The following RYR1 variants were observed in gnomAD, a reference collection of about 807,000 sequenced individuals.
The protein encoded by RYR1 is ryanodine receptor 1, also known as central core disease of muscle.
A neutral mutation model predicts 583.5 loss-of-function variants in RYR1; 342 were observed. The ratio of observed to expected loss-of-function variants is 0.59; its 90% CI spans 0.54 to 0.64. The LOEUF is 0.64. Ranked by LOEUF, RYR1 falls within the 30% of genes least tolerant of loss-of-function variation. RYR1 has a pLI of 0.00. For missense variants in RYR1, 6,032 were observed against 6,917.2 expected, an observed-to-expected ratio of 0.87 and a Z score of 4.54; for synonymous variants, 2,791 against 2,822.5, an observed-to-expected ratio of 0.99 and a Z score of 0.35.
chr19:38,453,155 G>A, intron 13 of RYR1, 141 bp downstream of exon 13: 1 of 821,396 alleles, frequency 1.2e-6, no homozygotes, highest in Non-Finnish European at 1.9e-6. Flanking sequence ...GCAGGAGAAG[G>A]AGCCGGACAG....
In RYR1 at chr19:38,496,628, C is replaced by T. The variant is rs1969843021; in HGVS notation, c.6796+87C>T. ...CTGCCCCACTTTCCACCAGCTCACT[C>T]ATTCAACAAACACTCCCTCTCAACT... On this transcript the variant is annotated intron_variant, in intron 41 of 105. Transcript: ENST00000359596. This position sits in a 1 kb window ranked among gnomAD's most constrained non-coding sequence, Gnocchi z 4.8. The T allele has an allele frequency of 1.2e-5, 19 of 1,522,282 alleles. No homozygotes were observed. The highest frequency in any genetic ancestry group is 1.6e-5 in the Non-Finnish European group (18 of 1,100,762). 94.3% of individuals were successfully genotyped at this position (1,522,282 alleles called of 1,614,324 possible).
chr19:38,585,240 C>T (rs933095860), intron 102 of RYR1, 141 bp downstream of exon 102: 13 of 990,434 alleles, frequency 1.3e-5, no homozygotes, highest in African/African-American at 1.6e-5. Flanking sequence ...AGTCACCTCT[C>T]GGGGCCTCCG....
rs1971582045 is a variant in RYR1, at chr19:38,528,516, G to A, written c.10938-83G>A. 1.9e-6 allele frequency: 3 copies of A among 1,590,660 alleles called. No homozygotes were observed. The African/African-American group carries it at 4.0e-5, about 21-fold the overall frequency. The stretch of plus-strand genomic sequence containing the variant: ...GGGCCAACGTGATGGGGCCTTGAGG[G>A]TGGTTGGGGGCTGCAGGCGCATGGG... On this transcript the variant is annotated intron_variant, in intron 74 of 105. Transcript: ENST00000359596.
rs535386378 is a variant in RYR1 at position 38,586,141 on chromosome 19, G to T, written c.14919G>T (p.Pro4973=). 1.2e-6 allele frequency: 2 copies of T among 1,613,956 alleles called. No homozygotes were observed. The highest frequency in any genetic ancestry group is 2.7e-5 in the African/African-American group (2 of 74,886). The part of the protein sequence containing the change: ...GIGSDYFDTT[P]HGFETHTLEE... ...GCAGTGACTACTTTGATACGACACC[G>T]CATGGCTTCGAGACTCACACGCTGG... The change falls in exon 104 of 106, where the codon CCG becomes CCT. Residue 4973 remains proline (P), a synonymous_variant. Transcript: ENST00000359596.
chr19:38,511,481 A>G, intron 60 of RYR1, 80 bp from the exon 61 acceptor site: 1 of 1,428,842 alleles, frequency 7.0e-7, no homozygotes, highest in Non-Finnish European at 9.8e-7. Flanking sequence ...TGTCTCCTCT[A>G]ATTGGGTCAC....
chr19:38,434,356 T>C (rs78371511), intron 1 of RYR1, among the ~76,000 whole-genome samples: 14,556 of 152,046 alleles, frequency 0.096, 1,546 homozygotes, highest in African/African-American at 0.26. Flanking sequence ...TTGAGGGTCT[T>C]GTGGGGGAGG....
At chr19:38,564,924 C>A in intron 90 of RYR1, 35 bp from the exon 91 acceptor site, 1 of 1,553,746 alleles carries the variant, frequency 6.4e-7, no homozygotes, top group Non-Finnish European at 8.7e-7. Context: ...CCCCCGCTGA[C>A]GGCGCCCTAT....
At chr19:38,581,803 T>G (rs1346235156) in intron 101 of RYR1, among the ~76,000 whole-genome samples, 1 of 151,030 alleles carries the variant, frequency 6.6e-6, no homozygotes, top group East Asian at 2.0e-4. Flanking sequence ...TGGGGGGGTC[T>G]CACAATGTTG....
chr19:38,563,594 G>A (rs147753926), intron 90 of RYR1, among the ~76,000 whole-genome samples: 8 of 152,256 alleles, frequency 5.3e-5, no homozygotes, highest in Non-Finnish European at 5.9e-5. Context: ...GGCACCGGGC[G>A]CTGTTCTAAT....
chr19:38,470,438 G>GA (rs543327525), intron 27 of RYR1, among the ~76,000 whole-genome samples: 1,499 of 74,204 alleles, frequency 0.02, 20 homozygotes, highest in African/African-American at 0.056. Context: ...CTGTCTCATT[G>GA]AAAAAAAAAA....
chr19:38,464,346 AAGAG>A (rs968783458), intron 22 of RYR1, among the ~76,000 whole-genome samples: 3 of 151,592 alleles, frequency 2.0e-5, no homozygotes, highest in African/African-American at 7.3e-5. Context: ...CAGAGGCAGA[AAGAG>A]AGAGAAAGAA....
At chr19:38,572,962 G>A (rs547326540) in intron 95 of RYR1, among the ~76,000 whole-genome samples, 2 of 142,100 alleles carry the variant, frequency 1.4e-5, no homozygotes, top group South Asian at 2.2e-4. Context: ...CCCCCTGCCT[G>A]TGCCTCCCCC....
rs545330908 is a variant in RYR1, at chr19:38,506,614, C to T, written c.8692+68C>T. On this transcript the variant is annotated intron_variant, in intron 56 of 105. Coordinates refer to ENST00000359596, the MANE Select transcript of RYR1 (RefSeq NM_000540.3). ...ACCGTGTGGTTTTGCTGATTGCCTT[C>T]ATGCCCCTGAAACTCGGTTTCTCCA... 1.3e-4 allele frequency: 212 copies of T among 1,579,320 alleles called. 1 individual carries two copies. The African/African-American group carries it at 2.5e-3, about 19-fold the overall frequency.
rs747205075 is a variant in RYR1, at chr19:38,500,639, A to G, written c.7357A>G (p.Ile2453Val). The G allele has an allele frequency of 1.2e-6, 2 of 1,613,602 alleles. No individual in the cohort carries two copies. The highest frequency in any genetic ancestry group is 4.5e-5 in the East Asian group (2 of 44,874). Residue 2453 changes from isoleucine (I) to valine (V), a missense_variant, in exon 46 of 106, where the codon ATC becomes GTC. Coordinates refer to ENST00000359596, the MANE Select transcript of RYR1 (RefSeq NM_000540.3). This position sits in a 1 kb window ranked among gnomAD's most constrained non-coding sequence, Gnocchi z 5.9. ...AGCCGGCAAGGGTGAGGCCCTGCGGATCCGCGCCATCCTCCGCTCCCTTGT... is the reference window on the plus strand; with the variant it reads ...AGCCGGCAAGGGTGAGGCCCTGCGGGTCCGCGCCATCCTCCGCTCCCTTGT... ...IQAGKGEALR[I>V]RAILRSLVPL...
chr19:38,469,527 C>T lies in RYR1; in HGVS notation c.3765+14C>T, dbSNP rs765918841. On this transcript the variant is annotated intron_variant, in intron 27 of 105. Coordinates refer to ENST00000359596, the MANE Select transcript of RYR1 (RefSeq NM_000540.3). The stretch of plus-strand genomic sequence containing the variant: ...CCTCACTATGAGGTAAGGACTGAGC[C>T]CCTCAATGCCTTCTCATCTGCCTCC... 1.9e-6 allele frequency: 3 copies of T among 1,610,476 alleles called. No individual in the cohort carries two copies. Among genetic ancestry groups the T allele is most frequent in the Non-Finnish European group, 2.5e-6 (3 of 1,176,984 alleles).
At chr19:38,456,827 A>C (rs1430992292) in intron 16 of RYR1, among the ~76,000 whole-genome samples, 2 of 151,312 alleles carry the variant, frequency 1.3e-5, no homozygotes, top group Non-Finnish European at 2.9e-5. Context: ...CGGGCGGATC[A>C]CGAGGTCAGG....
intron 101 of RYR1, among the ~76,000 whole-genome samples, chr19:38,581,797 G>A (rs1283469346): frequency 6.6e-6 from 1 of 151,338 alleles, no homozygotes; most frequent in Non-Finnish European, 1.5e-5. Flanking sequence ...TGGAGGTGGG[G>A]GGGTCTCACA....
chr19:38,498,056 T>C (rs1453816319), intron 42 of RYR1, among the ~76,000 whole-genome samples: 1 of 151,874 alleles, frequency 6.6e-6, no homozygotes, highest in Admixed American at 6.6e-5. Context: ...CAGGTGGTCA[T>C]CATGGGGAAG....
In RYR1 at chr19:38,492,633, C is replaced by T; in HGVS notation, c.6271C>T (p.Pro2091Ser). ...GGAGCGGTCAGCAGAGGAGAGCAAA[C>T]CCCGTGAGGACTGGGGTCACTGGGG... ...EEERSAEESK[P>S]RSLQELVSHM... The change falls in exon 38 of 106, where the codon CCC becomes TCC. Residue 2091 changes from proline to serine, a missense_variant. Around this residue, in one of 11 missense-constraint regions of RYR1, gnomAD observed 2,627 missense variants for 2,961.3 expected, o/e 0.89. Transcript: ENST00000359596. 6.2e-7 allele frequency: 1 copy of T among 1,609,880 alleles called. No homozygotes were observed. Among genetic ancestry groups the T allele is most frequent in the Non-Finnish European group, 8.5e-7 (1 of 1,178,152 alleles).
Sources: gnomAD v4.1 joint callset for allele counts (sites outside exome capture counted in the v4.1 genomes callset) on GRCh38, gnomAD v4.1.1 for gene constraint, gnomAD v4.1.1 regional missense constraint, Gnocchi (gnomAD v3.1) non-coding constraint, MANE v1.5 for transcripts, NCBI Gene and HGNC (gene_info 2026-07-23, HGNC 2026-07-21) for gene names.